The following OR2Z1 variants were observed in gnomAD, a reference collection of about 807,000 sequenced individuals.
OR2Z1 encodes the protein olfactory receptor family 2 subfamily Z member 1, also known as olfactory receptor 2Z1.
For missense variants in OR2Z1, 449 were observed against 401.8 expected, an observed-to-expected ratio of 1.12 and a Z score of -1.00; for synonymous variants, 188 against 160.6, an observed-to-expected ratio of 1.17 and a Z score of -1.29.
At chr19:8,725,207 C>T (rs2043322613) in intron 2 of OR2Z1, among the ~76,000 whole-genome samples, 1 of 152,152 alleles carries the variant, frequency 6.6e-6, no homozygotes, top group Admixed American at 6.6e-5. Context: ...TCTATAACTG[C>T]AGGGCTAAAT....
intron 1 of OR2Z1, among the ~76,000 whole-genome samples, chr19:8,722,455 C>T (rs2043311272): frequency 6.6e-6 from 1 of 152,056 alleles, no homozygotes; most frequent in Non-Finnish European, 1.5e-5. Flanking sequence ...CACTCAGTGT[C>T]AGCAAAGGGA....
At position 8,731,517 on chromosome 19, in the gene OR2Z1, C is replaced by T; in HGVS notation, c.489C>T (p.Thr163=). The change falls in exon 3 of 3, where the codon ACC becomes ACT. Residue 163 remains threonine (T), a synonymous_variant. Transcript: ENST00000641125. The part of the protein sequence containing the change: ...VLNASIQTSI[T]LHFPYCASRI... Reference sequence around the variant, plus strand: ...ACGCCTCCATCCAGACCTCCATCACCCTGCATTTTCCCTACTGTGCCTCCC... The same window carrying T: ...ACGCCTCCATCCAGACCTCCATCACTCTGCATTTTCCCTACTGTGCCTCCC... The T allele has an allele frequency of 6.2e-7, 1 of 1,614,064 alleles. No individual in the cohort carries two copies. Among genetic ancestry groups the T allele is most frequent in the South Asian group, 1.1e-5 (1 of 91,084 alleles).
In OR2Z1 at chr19:8,731,912, CG is replaced by C. The variant is rs1188508285; in HGVS notation, c.886del (p.Glu296ArgfsTer71). On this transcript the variant is annotated frameshift_variant, in exon 3 of 3. Coordinates refer to ENST00000641125, the MANE Select transcript of OR2Z1 (RefSeq NM_001004699.3). LOFTEE classifies it low-confidence loss of function (END_TRUNC). ...LNPLIYSLRNPEVWMALVKVL... is the reference protein window; with the variant it reads ...LNPLIYSLRNXEVWMALVKVL... Reference sequence around the variant, plus strand: ...CCCCTTATCTACAGTCTGAGGAATCCGGAGGTGTGGATGGCTTTGGTCAAAG... The same window carrying C: ...CCCCTTATCTACAGTCTGAGGAATCCGAGGTGTGGATGGCTTTGGTCAAAG... The C allele has an allele frequency of 2.5e-6, 4 of 1,614,184 alleles. No individual in the cohort carries two copies. Among genetic ancestry groups the C allele is most frequent in the Non-Finnish European group, 3.4e-6 (4 of 1,180,036 alleles).
At chr19:8,729,242 T>C in intron 2 of OR2Z1, 1 of 623,992 alleles carries the variant, frequency 1.6e-6, no homozygotes, top group Non-Finnish European at 2.9e-6. Flanking sequence ...TTTTAACCCT[T>C]GCTTCCCTCT....
Position 8,731,318 on chromosome 19 carries a change from G to A in OR2Z1, c.290G>A (p.Gly97Asp). The A allele has an allele frequency of 1.2e-6, 2 of 1,614,114 alleles. No individual in the cohort carries two copies. Among genetic ancestry groups the A allele is most frequent in the Non-Finnish European group, 1.7e-6 (2 of 1,180,032 alleles). ...GAAGGTGCCACCTCCTATGGAGGTG[G>A]TGCAGCTCAAATATTCTTCCTCACA... ...RGEGATSYGGGAAQIFFLTLM... is the reference protein window; with the variant it reads ...RGEGATSYGGDAAQIFFLTLM... The change falls in exon 3 of 3, where the codon GGT (glycine) becomes GAT (aspartate). Residue 97 changes from glycine (G) to aspartate (D), a missense_variant. Coordinates refer to ENST00000641125, the MANE Select transcript of OR2Z1 (RefSeq NM_001004699.3).
At chr19:8,730,602 T>C (rs1229688714) in intron 2 of OR2Z1, among the ~76,000 whole-genome samples, 2 of 152,050 alleles carry the variant, frequency 1.3e-5, no homozygotes, top group Non-Finnish European at 1.5e-5. Flanking sequence ...GTACTTTTAG[T>C]AGAGACGAGG....
chr19:8,729,731 C>G (rs1464142548), intron 2 of OR2Z1, among the ~76,000 whole-genome samples: 1 of 152,106 alleles, frequency 6.6e-6, no homozygotes, highest in African/African-American at 2.4e-5. Flanking sequence ...GATGGGATTA[C>G]AGGCATATGC....
At position 8,731,667 on chromosome 19, in the gene OR2Z1, C is replaced by T. The variant is rs2043357213; in HGVS notation, c.639C>T (p.Leu213=). 3 of 1,614,188 alleles carry T rather than the reference C, an allele frequency of 1.9e-6. No individual in the cohort carries two copies. Among genetic ancestry groups the T allele is most frequent in the Admixed American group, 1.7e-5 (1 of 60,018 alleles). ...GVLILMLPLS[L]IATSYGHVLQ... ...TGATCCTAATGCTCCCTCTTTCCCTCATCGCCACCTCCTACGGCCACGTGT... is the reference window on the plus strand; with the variant it reads ...TGATCCTAATGCTCCCTCTTTCCCTTATCGCCACCTCCTACGGCCACGTGT... Residue 213 remains leucine (L), a synonymous_variant, in exon 3 of 3, where the codon CTC becomes CTT. Coordinates refer to ENST00000641125, the MANE Select transcript of OR2Z1 (RefSeq NM_001004699.3).
Position 8,731,931 on chromosome 19 carries a change from G to C in OR2Z1, c.903G>C (p.Leu301Phe). ...SLRNPEVWMALVKVLSRAGLR... is the reference protein window; with the variant it reads ...SLRNPEVWMAFVKVLSRAGLR... ...GGAATCCGGAGGTGTGGATGGCTTT[G>C]GTCAAAGTGCTTAGCAGAGCTGGAC... Residue 301 changes from leucine (L) to phenylalanine (F), a missense_variant, in exon 3 of 3, where the codon TTG (leucine) becomes TTC (phenylalanine). Physicochemically the swap from Leu to Phe is conservative, Grantham distance 22 (BLOSUM62 0). Coordinates refer to ENST00000641125, the MANE Select transcript of OR2Z1 (RefSeq NM_001004699.3). The C allele has an allele frequency of 1.2e-6, 2 of 1,614,150 alleles. No homozygotes were observed. Among genetic ancestry groups the C allele is most frequent in the Non-Finnish European group, 1.7e-6 (2 of 1,180,018 alleles).
In OR2Z1 at chr19:8,731,209, T is replaced by A. The variant is rs1391604879; in HGVS notation, c.181T>A (p.Phe61Ile). 1 of 1,613,952 alleles carries A rather than the reference T, an allele frequency of 6.2e-7. No individual in the cohort carries two copies. The highest frequency in any genetic ancestry group is 1.3e-5 in the African/African-American group (1 of 74,874). Residue 61 changes from phenylalanine (F) to isoleucine (I), a missense_variant, in exon 3 of 3, where the codon TTC becomes ATC. Coordinates refer to ENST00000641125, the MANE Select transcript of OR2Z1 (RefSeq NM_001004699.3). ...CTCCCGGCTCCACACACCCATGTAC[T>A]TCCTGCTCAGCCAGCTCTCCCTGTT... Reference protein sequence around the residue: ...VDSRLHTPMYFLLSQLSLFDI... With the variant: ...VDSRLHTPMYILLSQLSLFDI...
chr19:8,730,057 C>G (rs1344180028), intron 2 of OR2Z1, among the ~76,000 whole-genome samples: 1 of 152,074 alleles, frequency 6.6e-6, no homozygotes, highest in East Asian at 1.9e-4. Flanking sequence ...TGTCTATATA[C>G]TACATTTAAA....
intron 2 of OR2Z1, among the ~76,000 whole-genome samples, chr19:8,726,137 T>G (rs2043326371): frequency 6.6e-6 from 1 of 152,082 alleles, no homozygotes; most frequent in Admixed American, 6.6e-5. Context: ...GGCTAATTTT[T>G]TGTATTTTTA....
chr19:8,730,528 T>C (rs2043347511), intron 2 of OR2Z1, among the ~76,000 whole-genome samples: 1 of 152,054 alleles, frequency 6.6e-6, no homozygotes, highest in Admixed American at 6.6e-5. Context: ...CAAGCAATTC[T>C]CCTGTGTCAG....
At position 8,732,085 on chromosome 19, in the gene OR2Z1, AT is replaced by A; in HGVS notation, c.*114del. 1.2e-6 allele frequency: 1 copy of A among 814,732 alleles called. No homozygotes were observed. The highest frequency in any genetic ancestry group is 2.7e-5 in the Admixed American group (1 of 36,566). The allele number at this position is 814,732 out of a possible 1,614,324, so 50.5% of individuals were successfully genotyped here. A position where few individuals can be genotyped will look rare whatever the true frequency, so the allele number is the denominator to read the frequency against. ...TGTGCAACTGGCCAAATATCCAGCC[AT>A]TGCCCAAGGTGCAACTTTTTGAGAA... On this transcript the variant is annotated 3_prime_UTR_variant, in exon 3 of 3. Coordinates refer to ENST00000641125, the MANE Select transcript of OR2Z1 (RefSeq NM_001004699.3).
rs966275888 is a variant in OR2Z1, at chr19:8,724,268, T to C, written c.-170+1118T>C. Among the ~76,000 whole-genome samples the C allele has an allele frequency of 8.6e-5, 13 of 151,958 alleles. No individual in the cohort carries two copies. In the East Asian group the frequency reaches 2.3e-3, roughly 27 times the overall value. On this transcript the variant is annotated intron_variant, in intron 2 of 2. Coordinates refer to ENST00000641125, the MANE Select transcript of OR2Z1 (RefSeq NM_001004699.3). ...AATTGAGAGAGGGTCTCACTCTGTG[T>C]TCTGTTGCCCAGGCTGGAGTGCAGT... is the stretch of plus-strand genomic sequence containing the variant.
chr19:8,724,848 A>T (rs2043321447), intron 2 of OR2Z1, among the ~76,000 whole-genome samples: 1 of 152,110 alleles, frequency 6.6e-6, no homozygotes, highest in Non-Finnish European at 1.5e-5. Context: ...ACACAGCTGG[A>T]GGAGTGGGTG....
chr19:8,724,960 T>C (rs2043321795), intron 2 of OR2Z1, among the ~76,000 whole-genome samples: 1 of 152,130 alleles, frequency 6.6e-6, no homozygotes, highest in Non-Finnish European at 1.5e-5. Flanking sequence ...TACTGTATTA[T>C]TTCTGTCTGG....
intron 2 of OR2Z1, among the ~76,000 whole-genome samples, chr19:8,726,220 C>T (rs1390320650): frequency 6.6e-6 from 1 of 152,152 alleles, no homozygotes; most frequent in Non-Finnish European, 1.5e-5. Flanking sequence ...CCGCCTTGGC[C>T]TCCCAAAGTG....
intron 2 of OR2Z1, among the ~76,000 whole-genome samples, chr19:8,726,683 A>G (rs1246899211): frequency 6.6e-6 from 1 of 152,212 alleles, no homozygotes; most frequent in Non-Finnish European, 1.5e-5. Flanking sequence ...TGCCCATTCT[A>G]GGGCATGACA....
Sources: gnomAD v4.1 joint callset for allele counts (sites outside exome capture counted in the v4.1 genomes callset) on GRCh38, gnomAD v4.1.1 for gene constraint, MANE v1.5 for transcripts, NCBI Gene and HGNC (gene_info 2026-07-23, HGNC 2026-07-21) for gene names.